Variants in TRIO observed in about 807,000 individuals in gnomAD.
The protein encoded by TRIO is triple functional domain protein.
TRIO carries 58 observed loss-of-function variants against 351.9 expected under a neutral mutation model. The ratio of observed to expected loss-of-function variants is 0.16; its 90% CI spans 0.13 to 0.21. TRIO has a LOEUF of 0.21. Among genes scored for constraint, TRIO ranks in the 10% least tolerant of loss-of-function variants. The pLI is 1.00. For synonymous variants in TRIO, 1,758 were observed against 1,595.7 expected, an observed-to-expected ratio of 1.10 and a Z score of -2.42; for missense variants, 3,201 against 4,027.8, an observed-to-expected ratio of 0.79 and a Z score of 5.56.
At chr5:14,444,468 T>C (rs146015532) in intron 34 of TRIO, among the ~76,000 whole-genome samples, 111 of 152,348 alleles carry the variant, frequency 7.3e-4, no homozygotes, top group East Asian at 3.1e-3. Flanking sequence ...ATGTGCAGTA[T>C]AGGATAGTGG....
chr5:14,417,881 G>A (rs912064440), intron 33 of TRIO, among the ~76,000 whole-genome samples: 1 of 152,212 alleles, frequency 6.6e-6, no homozygotes, highest in Non-Finnish European at 1.5e-5. Flanking sequence ...ACAGTGCGAG[G>A]CAGGCTGAGG....
intron 31 of TRIO, among the ~76,000 whole-genome samples, chr5:14,401,878 C>A (rs568218929): frequency 6.6e-6 from 1 of 152,126 alleles, no homozygotes; most frequent in Non-Finnish European, 1.5e-5. Context: ...TAATGGGACT[C>A]TGGTGTATGA....
intron 33 of TRIO, among the ~76,000 whole-genome samples, chr5:14,412,380 A>AT (rs1240505461): frequency 2.0e-5 from 3 of 152,216 alleles, no homozygotes; most frequent in African/African-American, 7.2e-5. Flanking sequence ...ACTTACATAA[A>AT]TTGCAGCGTC....
chr5:14,453,744 TC>T (rs1168046924), intron 34 of TRIO, among the ~76,000 whole-genome samples: 3 of 152,140 alleles, frequency 2.0e-5, no homozygotes, highest in Non-Finnish European at 2.9e-5. Context: ...TCAGCGGGTT[TC>T]CCCAGGCTGG....
intron 11 of TRIO, among the ~76,000 whole-genome samples, chr5:14,337,177 G>A (rs1209354200): frequency 6.6e-6 from 1 of 152,104 alleles, no homozygotes; most frequent in African/African-American, 2.4e-5. Flanking sequence ...AACCTGGTAC[G>A]AATAATATTA....
chr5:14,437,683 A>ACCCCCCCCCCCCCCCC (rs976372019), intron 34 of TRIO, among the ~76,000 whole-genome samples: 1 of 108,300 alleles, frequency 9.2e-6, no homozygotes, highest in Admixed American at 1.0e-4. Context: ...TTGGATGAGG[A>ACCCCCCCCCCCCCCCC]CCACCCCCCC....
intron 1 of TRIO, among the ~76,000 whole-genome samples, chr5:14,220,022 T>G (rs546041731): frequency 7.5e-5 from 11 of 145,832 alleles, no homozygotes; most frequent in African/African-American, 2.5e-4. Context: ...TACTGCGGGG[T>G]TTTTTTTTCT....
intron 1 of TRIO, among the ~76,000 whole-genome samples, chr5:14,240,630 G>C (rs354280): frequency 0.14 from 21,823 of 152,224 alleles, 2,471 homozygotes; most frequent in African/African-American, 0.31. Context: ...GAGTGGGTAT[G>C]ATTCCATGGG....
chr5:14,487,774 C>A lies in TRIO; in HGVS notation c.7146C>A (p.Ala2382=). The A allele has an allele frequency of 7.3e-7, 1 of 1,371,412 alleles. No homozygotes were observed. 85.0% of individuals were successfully genotyped at this position (1,371,412 alleles called of 1,614,324 possible). The change falls in exon 48 of 57, where the codon GCC becomes GCA. Residue 2382 remains alanine, a synonymous_variant. Transcript: ENST00000344204. Reference sequence around the variant, plus strand: ...CCTCCCTGCCTCCCCCTGGCGCGGCCCCCGAGGCCGGCCCCAGCGCGCCCA... The same window carrying A: ...CCTCCCTGCCTCCCCCTGGCGCGGCACCCGAGGCCGGCCCCAGCGCGCCCA... ...PGPSLPPPGA[A]PEAGPSAPSR... is the part of the protein sequence containing the mutation.
intron 1 of TRIO, among the ~76,000 whole-genome samples, chr5:14,246,119 G>A (rs1238606540): frequency 6.6e-6 from 1 of 152,122 alleles, no homozygotes; most frequent in African/African-American, 2.4e-5. Flanking sequence ...TCTTCTATCT[G>A]ATAAACAGCT....
intron 53 of TRIO, 126 bp from the exon 54 acceptor site, chr5:14,502,453 A>G (rs904737934): frequency 5.1e-6 from 4 of 788,094 alleles, no homozygotes; most frequent in Non-Finnish European, 6.5e-6. Context: ...CTCCACTCGC[A>G]TGAGCCGTGT....
chr5:14,245,441 C>G (rs148640871), intron 1 of TRIO, among the ~76,000 whole-genome samples: 1 of 152,296 alleles, frequency 6.6e-6, no homozygotes, highest in East Asian at 1.9e-4. Flanking sequence ...CTTCATTCCC[C>G]TCCTCCACTT....
intron 1 of TRIO, among the ~76,000 whole-genome samples, chr5:14,184,383 G>A (rs1363519106): frequency 6.6e-6 from 1 of 152,234 alleles, no homozygotes; most frequent in East Asian, 1.9e-4. Flanking sequence ...TGGGATCACA[G>A]CTTCCCTTCT....
At chr5:14,464,282 C>T (rs927922881) in intron 36 of TRIO, among the ~76,000 whole-genome samples, 2 of 152,192 alleles carry the variant, frequency 1.3e-5, no homozygotes, top group Admixed American at 1.3e-4. Flanking sequence ...CATTGAGGGG[C>T]TGGGCCTTGT....
chr5:14,352,947 G>A (rs1743272786), intron 11 of TRIO, among the ~76,000 whole-genome samples: 1 of 151,992 alleles, frequency 6.6e-6, no homozygotes, highest in South Asian at 2.1e-4. Context: ...AAGATTCATG[G>A]CGCTTCCCCT....
intron 1 of TRIO, among the ~76,000 whole-genome samples, chr5:14,232,319 C>T (rs375901174): frequency 6.6e-6 from 1 of 152,318 alleles, no homozygotes. Context: ...CTCCCCCCAA[C>T]CCCTCCCATT....
intron 35 of TRIO, among the ~76,000 whole-genome samples, chr5:14,461,614 C>T (rs765931042): frequency 6.6e-6 from 1 of 152,244 alleles, no homozygotes; most frequent in Non-Finnish European, 1.5e-5. Context: ...GGAGGGAGAC[C>T]AGACTTGGCT....
At chr5:14,376,167 A>G (rs1295585175) in intron 19 of TRIO, among the ~76,000 whole-genome samples, 1 of 152,226 alleles carries the variant, frequency 6.6e-6, no homozygotes, top group Non-Finnish European at 1.5e-5. Flanking sequence ...ATCACAAAGT[A>G]CAGACTGCTA....
In TRIO at chr5:14,401,003, C is replaced by T; in HGVS notation, c.4655C>T (p.Pro1552Leu). The T allele has an allele frequency of 1.2e-6, 2 of 1,614,070 alleles. No individual in the cohort carries two copies. Among genetic ancestry groups the T allele is most frequent in the Non-Finnish European group, 1.7e-6 (2 of 1,180,010 alleles). ...LGVTEHVEGD[P>L]CKFALWVGRT... Reference sequence around the variant, plus strand: ...GTCACAGAACATGTTGAAGGAGACCCTTGCAAATTTGCACTGTGGGTGGGG... The same window carrying T: ...GTCACAGAACATGTTGAAGGAGACCTTTGCAAATTTGCACTGTGGGTGGGG... The change falls in exon 31 of 57, where the codon CCT (proline) becomes CTT (leucine). Residue 1552 changes from proline to leucine, a missense_variant. Transcript: ENST00000344204.
Sources: gnomAD v4.1 joint callset for allele counts (sites outside exome capture counted in the v4.1 genomes callset) on GRCh38, gnomAD v4.1.1 for gene constraint, MANE v1.5 for transcripts, NCBI Gene and HGNC (gene_info 2026-07-23, HGNC 2026-07-21) for gene names.